The following ODAD2 variants were observed in gnomAD, a reference collection of about 807,000 sequenced individuals.
ODAD2 encodes outer dynein arm docking complex subunit 2.
In ODAD2, 89 loss-of-function variants were observed where a neutral mutation model predicts 106.8. That is an observed-to-expected ratio of 0.83 (90% CI 0.70 to 0.99). The LOEUF (loss-of-function observed/expected upper bound fraction) is 0.99, where lower values mean the gene tolerates loss of function less well. Among genes scored for constraint, ODAD2 ranks in the 50% least tolerant of loss-of-function variants. The pLI is 0.00. For missense variants in ODAD2, 1,168 were observed against 1,238.5 expected (o/e 0.94, Z 0.85); for synonymous variants, 404 against 436.2 (o/e 0.93, Z 0.92).
chr10:27,864,929 G>T (rs1840335547), intron 17 of ODAD2, among the ~76,000 whole-genome samples: 1 of 152,086 alleles, frequency 6.6e-6, no homozygotes, highest in Admixed American at 6.6e-5. Flanking sequence ...TTAAAAGTGA[G>T]GCTCAAAGAG....
intron 10 of ODAD2, among the ~76,000 whole-genome samples, chr10:27,960,428 C>A (rs547815643): frequency 4.0e-5 from 6 of 151,122 alleles, no homozygotes; most frequent in Admixed American, 2.0e-4. Flanking sequence ...CTCACTGCAA[C>A]CTCCGCCTCC....
intron 17 of ODAD2, among the ~76,000 whole-genome samples, chr10:27,891,243 T>A (rs1354104567): frequency 6.6e-6 from 1 of 152,206 alleles, no homozygotes; most frequent in African/African-American, 2.4e-5. Flanking sequence ...CTGGCTAAAT[T>A]ACCCAAGCAT....
chr10:27,857,813 C>T lies in ODAD2; in HGVS notation c.3021+2812G>A, dbSNP rs1191954304. Among the ~76,000 whole-genome samples, 4 of 152,162 alleles carry T rather than the reference C, an allele frequency of 2.6e-5. No homozygotes were observed. The South Asian group carries it at 6.2e-4, about 24-fold the overall frequency. On this transcript the variant is annotated intron_variant, in intron 19 of 19. Transcript: ENST00000305242. ...ATCAATTACTTATGAATAGGCGACACGGTGACTCTGGTCATTGTTAAAGAG... is the reference window on the plus strand; with the variant it reads ...ATCAATTACTTATGAATAGGCGACATGGTGACTCTGGTCATTGTTAAAGAG...
intron 10 of ODAD2, among the ~76,000 whole-genome samples, chr10:27,954,761 A>G (rs1847604450): frequency 6.6e-6 from 1 of 152,236 alleles, no homozygotes; most frequent in Non-Finnish European, 1.5e-5. Flanking sequence ...CCCTTTGGGA[A>G]AGACGGAGAG....
Position 27,910,845 on chromosome 10 carries a change from C to A in ODAD2, c.2496-3068G>T, listed in dbSNP as rs1276854576. On this transcript the variant is annotated intron_variant, in intron 16 of 19. Coordinates refer to ENST00000305242, the MANE Select transcript of ODAD2 (RefSeq NM_018076.5). Reference sequence around the variant, plus strand: ...TTATGTTCTATCAAGTCAGTGCAAACCTTTGATGAACAAATAGTGAACTAC... The same window carrying A: ...TTATGTTCTATCAAGTCAGTGCAAAACTTTGATGAACAAATAGTGAACTAC... 2.6e-5 allele frequency among the ~76,000 whole-genome samples: 4 copies of A among 152,094 alleles called. No homozygotes were observed. The East Asian group carries it at 7.7e-4, about 29-fold the overall frequency.
chr10:27,922,253 G>GT, intron 16 of ODAD2, among the ~76,000 whole-genome samples: 1 of 151,878 alleles, frequency 6.6e-6, no homozygotes, highest in East Asian at 1.9e-4. Flanking sequence ...TGTCCACTGA[G>GT]TATTTTTAGC....
chr10:27,813,118 G>T (rs1382198914), intron 19 of ODAD2, among the ~76,000 whole-genome samples: 1 of 152,160 alleles, frequency 6.6e-6, no homozygotes, highest in African/African-American at 2.4e-5. Flanking sequence ...TGTGCACTCT[G>T]GCCTCAATGC....
At chr10:27,916,687 T>G (rs1230072650) in intron 16 of ODAD2, among the ~76,000 whole-genome samples, 1 of 152,196 alleles carries the variant, frequency 6.6e-6, no homozygotes, top group Non-Finnish European at 1.5e-5. Flanking sequence ...TAGAATTTTC[T>G]TAATAACATT....
At chr10:27,844,647 T>C (rs1355049755) in intron 19 of ODAD2, among the ~76,000 whole-genome samples, 5 of 152,216 alleles carry the variant, frequency 3.3e-5, no homozygotes, top group Non-Finnish European at 7.3e-5. Flanking sequence ...GATAATAAGT[T>C]TCCAACTCAA....
chr10:27,862,525 G>T lies in ODAD2; in HGVS notation c.2708C>A (p.Ala903Asp), dbSNP rs187819417. Residue 903 changes from alanine (A) to aspartate (D), a missense_variant, in exon 18 of 20, where the codon GCT (alanine) becomes GAT (aspartate). Physicochemically the swap from Ala to Asp is moderately radical, Grantham distance 126. Around this residue, in one of 3 missense-constraint regions of ODAD2, gnomAD observed 701 missense variants for 712.3 expected, o/e 0.98. Transcript: ENST00000305242. ...ATCTTTTGCTATGTTGGTAATGGCA[G>T]CACATACACTTGCCAGAACTTCTTT... Reference protein sequence around the residue: ...DNKEVLASVCAAITNIAKDQE... With the variant: ...DNKEVLASVCDAITNIAKDQE... 6.2e-7 allele frequency: 1 copy of T among 1,612,302 alleles called. No homozygotes were observed. The highest frequency in any genetic ancestry group is 1.3e-5 in the African/African-American group (1 of 74,962).
chr10:27,874,106 T>C (rs1437367769), intron 17 of ODAD2, among the ~76,000 whole-genome samples: 3 of 152,234 alleles, frequency 2.0e-5, no homozygotes, highest in Non-Finnish European at 2.9e-5. Context: ...TTTACCATTA[T>C]GTAATGGCCT....
At position 27,935,058 on chromosome 10, in the gene ODAD2, T is replaced by C; in HGVS notation, c.2447A>G (p.Asn816Ser). The change falls in exon 16 of 20, where the codon AAT (asparagine) becomes AGT (serine). Residue 816 changes from asparagine to serine, a missense_variant. Around this residue, in one of 3 missense-constraint regions of ODAD2, gnomAD observed 701 missense variants for 712.3 expected, o/e 0.98. Transcript: ENST00000305242. ...LVGINQALLV[N>S]VTKAVGACAV... ...ACAAGCACCAACTGCTTTTGTAACA[T>C]TCACAAGAAGAGCTTGGTTTATTCC... The C allele has an allele frequency of 6.2e-7, 1 of 1,613,966 alleles. No homozygotes were observed. Among genetic ancestry groups the C allele is most frequent in the Non-Finnish European group, 8.5e-7 (1 of 1,179,870 alleles).
intron 10 of ODAD2, among the ~76,000 whole-genome samples, chr10:27,950,052 C>T (rs1422708681): frequency 6.6e-6 from 1 of 152,150 alleles, no homozygotes; most frequent in Admixed American, 6.5e-5. Flanking sequence ...GTCCCTACCC[C>T]ACACAGCTTC....
chr10:27,867,752 C>T (rs191103350), intron 17 of ODAD2, among the ~76,000 whole-genome samples: 1 of 152,110 alleles, frequency 6.6e-6, no homozygotes, highest in Non-Finnish European at 1.5e-5. Flanking sequence ...GAGGTTGAGA[C>T]CAGCCTGGCC....
chr10:27,868,940 G>A (rs1038734620), intron 17 of ODAD2, among the ~76,000 whole-genome samples: 13 of 151,892 alleles, frequency 8.6e-5, no homozygotes, highest in African/African-American at 3.1e-4. Flanking sequence ...AAGCACATTA[G>A]AAAGACATGC....
intron 17 of ODAD2, among the ~76,000 whole-genome samples, chr10:27,881,653 G>T (rs1841716729): frequency 6.6e-6 from 1 of 151,750 alleles, no homozygotes; most frequent in Non-Finnish European, 1.5e-5. Flanking sequence ...ACACTGAAAA[G>T]AATGAGCCGG....
intron 16 of ODAD2, among the ~76,000 whole-genome samples, chr10:27,909,817 G>GAAAAAAAAAAAAAAAA (rs35449629): frequency 7.1e-5 from 4 of 56,384 alleles, no homozygotes; most frequent in African/African-American, 1.4e-4. Context: ...GTCTTCATTT[G>GAAAAAAAAAAAAAAAA]AAAAAAAAAA....
rs1320664230 is a variant in ODAD2 at position 27,924,008 on chromosome 10, A to AAGAC, written c.2495+11001_2495+11002insGTCT. Among the ~76,000 whole-genome samples the AAGAC allele has an allele frequency of 2.9e-5, 3 of 104,248 alleles. No homozygotes were observed. In the South Asian group the frequency reaches 9.4e-4, roughly 33 times the overall value. The allele number at this position is 104,248 out of a possible 152,430, so 68.4% of individuals were successfully genotyped here. On this transcript the variant is annotated intron_variant, in intron 16 of 19. Coordinates refer to ENST00000305242, the MANE Select transcript of ODAD2 (RefSeq NM_018076.5). ...AAAGAAAGAAAGAAAGAAAGAAAGA[A>AAGAC]AGAAAGAAAGAAAGAAGGAAAGAGA...
chr10:27,957,765 G>A (rs1198209850), intron 10 of ODAD2, among the ~76,000 whole-genome samples: 1 of 152,162 alleles, frequency 6.6e-6, no homozygotes, highest in Non-Finnish European at 1.5e-5. Context: ...TATGTGCCAA[G>A]ATATGAGCTC....
Sources: allele counts gnomAD v4.1 joint callset (sites outside exome capture counted in the v4.1 genomes callset), GRCh38; gene constraint gnomAD v4.1.1; regional missense constraint gnomAD v4.1.1; transcripts MANE v1.5; gene names NCBI Gene and HGNC (gene_info 2026-07-23, HGNC 2026-07-21).